The following NDNF variants were observed in gnomAD, a reference collection of about 807,000 sequenced individuals.
NDNF encodes protein NDNF.
In NDNF, 16 loss-of-function variants were observed where a neutral mutation model predicts 42.0. The ratio of observed to expected loss-of-function variants is 0.38; its 90% CI spans 0.26 to 0.58. The LOEUF is 0.58. Among genes scored for constraint, NDNF ranks in the 20% least tolerant of loss-of-function variants. NDNF has a pLI of 0.67. For missense variants in NDNF, 616 were observed against 666.2 expected, an observed-to-expected ratio of 0.92 and a Z score of 0.83; for synonymous variants, 248 against 251.7, an observed-to-expected ratio of 0.99 and a Z score of 0.14.
In NDNF at chr4:121,036,666, A is replaced by T. The variant is rs1406583734; in HGVS notation, c.1305T>A (p.Ala435=). ...KKGASMLKIL[A]TTRPTKQSFP... ...ATGACTGCTTAGTAGGCCTTGTGGT[A>T]GCTAGAATTTTCAACATAGATGCTC... Residue 435 remains alanine, a synonymous_variant, in exon 4 of 4, where the codon GCT becomes GCA. Coordinates refer to ENST00000379692, the MANE Select transcript of NDNF (RefSeq NM_024574.4). 1 of 1,614,164 alleles carries T rather than the reference A, an allele frequency of 6.2e-7. No individual in the cohort carries two copies. The highest frequency in any genetic ancestry group is 1.1e-5 in the South Asian group (1 of 91,078).
At chr4:121,045,166 C>T (rs917410977) in intron 2 of NDNF, among the ~76,000 whole-genome samples, 12 of 152,268 alleles carry the variant, frequency 7.9e-5, no homozygotes, top group African/African-American at 2.9e-4. Context: ...TCCCGGCTAA[C>T]ATGGTGAAAC....
intron 1 of NDNF, among the ~76,000 whole-genome samples, chr4:121,054,632 G>A (rs1727253442): frequency 6.6e-6 from 1 of 152,214 alleles, no homozygotes; most frequent in South Asian, 2.1e-4. Context: ...AATGTCAGGA[G>A]AAAAAGCATT....
intron 3 of NDNF, chr4:121,039,129 A>G (rs1726932485): frequency 1.9e-5 from 2 of 105,948 alleles, no homozygotes; most frequent in African/African-American, 3.2e-5. Flanking sequence ...ACGTATACAT[A>G]GTTATATATA....
rs553294108 is a variant in NDNF, at chr4:121,036,940, T to G, written c.1031A>C (p.Glu344Ala). 5 of 1,613,924 alleles carry G rather than the reference T, an allele frequency of 3.1e-6. No homozygotes were observed. The East Asian group carries it at 6.7e-5, about 22-fold the overall frequency. The change falls in exon 4 of 4, where the codon GAG becomes GCG. Residue 344 changes from glutamate to alanine, a missense_variant. Coordinates refer to ENST00000379692, the MANE Select transcript of NDNF (RefSeq NM_024574.4). Reference protein sequence around the residue: ...TKEEAKQKTVELKDGKITDVF... With the variant: ...TKEEAKQKTVALKDGKITDVF... The stretch of plus-strand genomic sequence containing the variant: ...ATCTGTTATCTTCCCATCTTTTAGC[T>G]CGACTGTCTTCTGTTTGGCTTCTTC...
intron 1 of NDNF, among the ~76,000 whole-genome samples, chr4:121,066,350 A>G (rs749090706): frequency 9.8e-5 from 15 of 152,286 alleles, no homozygotes; most frequent in Admixed American, 9.2e-4. Flanking sequence ...CTTCAATTAC[A>G]GGATCCAGCA....
chr4:121,055,133 A>C (rs1296303969), intron 1 of NDNF, among the ~76,000 whole-genome samples: 1 of 152,130 alleles, frequency 6.6e-6, no homozygotes, highest in Non-Finnish European at 1.5e-5. Context: ...AAGCTCTTTA[A>C]GCACAGAAAG....
Position 121,037,047 on chromosome 4 carries a change from C to T in NDNF, c.924G>A (p.Thr308=), listed in dbSNP as rs756779140. The T allele has an allele frequency of 1.4e-5, 22 of 1,613,744 alleles. No homozygotes were observed. Among genetic ancestry groups the T allele is most frequent in the Admixed American group, 6.7e-5 (4 of 59,956 alleles). The change falls in exon 4 of 4, where the codon ACG becomes ACA. Residue 308 remains threonine, a synonymous_variant. Transcript: ENST00000379692. ...CCACAAATACATCAAAGTAGTACTG[C>T]GTGTCGGGTTTCAGATCAGAGACGG... ...IFTVSDLKPD[T]QYYFDVFVVN...
At chr4:121,068,965 C>G (rs1394707525) in intron 1 of NDNF, among the ~76,000 whole-genome samples, 1 of 152,076 alleles carries the variant, frequency 6.6e-6, no homozygotes, top group Non-Finnish European at 1.5e-5. Context: ...ATTCTGACCT[C>G]TAGATAGGCT....
At chr4:121,041,317 G>GA (rs1185513444) in intron 2 of NDNF, among the ~76,000 whole-genome samples, 1 of 152,164 alleles carries the variant, frequency 6.6e-6, no homozygotes, top group Non-Finnish European at 1.5e-5. Context: ...TCCATGCAGA[G>GA]AAAAGCAGGC....
intron 2 of NDNF, among the ~76,000 whole-genome samples, chr4:121,044,271 T>C (rs1221771432): frequency 6.6e-6 from 1 of 152,144 alleles, no homozygotes; most frequent in Non-Finnish European, 1.5e-5. Context: ...TAATCAAAAC[T>C]GAAAAGATGA....
At chr4:121,064,330 T>C (rs1727463944) in intron 1 of NDNF, among the ~76,000 whole-genome samples, 1 of 152,142 alleles carries the variant, frequency 6.6e-6, no homozygotes, top group South Asian at 2.1e-4. Flanking sequence ...ATATTATTAT[T>C]ATTAATAAAT....
chr4:121,068,356 A>T (rs949673037), intron 1 of NDNF, among the ~76,000 whole-genome samples: 8 of 152,222 alleles, frequency 5.3e-5, no homozygotes, highest in African/African-American at 1.9e-4. Context: ...ATTTGATTTT[A>T]AAATCAGCTT....
chr4:121,061,045 A>C (rs2148770892), intron 1 of NDNF: 1 of 152,332 alleles, frequency 6.6e-6, no homozygotes, highest in Middle Eastern at 3.4e-3. Flanking sequence ...ATTTCCAGAA[A>C]AAAGGGGAGG....
chr4:121,058,773 G>T (rs1199188961), intron 1 of NDNF, among the ~76,000 whole-genome samples: 1 of 151,770 alleles, frequency 6.6e-6, no homozygotes, highest in African/African-American at 2.4e-5. Context: ...TCCACTTATT[G>T]CATCTCACCT....
chr4:121,069,478 C>A (rs753815257), intron 1 of NDNF, among the ~76,000 whole-genome samples: 3 of 152,160 alleles, frequency 2.0e-5, no homozygotes, highest in Non-Finnish European at 4.4e-5. Flanking sequence ...TTAAACCAAA[C>A]ATAATTCATA....
intron 2 of NDNF, among the ~76,000 whole-genome samples, chr4:121,040,401 C>G (rs1390444868): frequency 6.6e-6 from 1 of 152,210 alleles, no homozygotes; most frequent in Non-Finnish European, 1.5e-5. Flanking sequence ...GGCCCCGCCA[C>G]TGCAAAATAA....
Position 121,039,216 on chromosome 4 carries a change from AT to A in NDNF, c.313+713del, listed in dbSNP as rs1560603324. ...TGTATATATATATATATATATATAT[AT>A]ATATATATATATATATATAAAGACT... is the stretch of plus-strand genomic sequence containing the variant. On this transcript the variant is annotated intron_variant, in intron 3 of 3. Transcript: ENST00000379692. Among the ~76,000 whole-genome samples, 282 of 55,516 alleles carry A rather than the reference AT, an allele frequency of 5.1e-3. 8 individuals carry two copies. Among genetic ancestry groups the A allele is most frequent in the African/African-American group, 0.01 (269 of 26,624 alleles). 36.4% of individuals were successfully genotyped at this position (55,516 alleles called of 152,430 possible).
Position 121,037,463 on chromosome 4 carries a change from C to A in NDNF, c.508G>T (p.Asp170Tyr), listed in dbSNP as rs1726897298. The A allele has an allele frequency of 3.7e-6, 6 of 1,614,088 alleles. No individual in the cohort carries two copies. The highest frequency in any genetic ancestry group is 5.1e-6 in the Non-Finnish European group (6 of 1,180,020). The change falls in exon 4 of 4, where the codon GAT (aspartate) becomes TAT (tyrosine). Residue 170 changes from aspartate to tyrosine, a missense_variant. Asp to Tyr is a radical substitution (Grantham distance 160). Coordinates refer to ENST00000379692, the MANE Select transcript of NDNF (RefSeq NM_024574.4). ...TAGGGTAACTCAGGGTATGGCTGAT[C>A]AGATTCTGGAGTTGTGGTGGCATAT... The part of the protein sequence containing the change: ...KVYATTTPES[D>Y]QPYPELPYDP...
intron 3 of NDNF, among the ~76,000 whole-genome samples, chr4:121,038,359 GATAAAATAAA>G (rs533558817): frequency 6.1e-5 from 8 of 131,182 alleles, no homozygotes; most frequent in African/African-American, 1.4e-4. Context: ...CTCAAAATAA[GATAAAATAAA>G]ATAAAATAAA....
Sources: gnomAD v4.1 joint callset for allele counts (sites outside exome capture counted in the v4.1 genomes callset) on GRCh38, gnomAD v4.1.1 for gene constraint, MANE v1.5 for transcripts, NCBI Gene and HGNC (gene_info 2026-07-23, HGNC 2026-07-21) for gene names.